The following CACNA1H variants were observed in gnomAD, a reference collection of about 807,000 sequenced individuals.
CACNA1H encodes voltage-dependent T-type calcium channel subunit alpha-1H.
CACNA1H carries 149 observed loss-of-function variants against 192.5 expected under a neutral mutation model. The ratio of observed to expected loss-of-function variants is 0.77; its 90% CI spans 0.68 to 0.89. The LOEUF is 0.89. CACNA1H is among the 40% of genes least tolerant of loss of function. The pLI, the probability that CACNA1H is intolerant of heterozygous loss-of-function variation, is 0.00. For missense variants in CACNA1H, 4,257 were observed against 3,423.5 expected (o/e 1.24, Z -6.08); for synonymous variants, 2,202 against 1,475.2 (o/e 1.49, Z -11.29).
chr16:1,210,245 AC>A (rs1259518370), intron 18 of CACNA1H, 110 bp downstream of exon 18: 3 of 1,227,976 alleles, frequency 2.4e-6, no homozygotes, highest in Non-Finnish European at 1.2e-6. Flanking sequence ...CCGAGTGGGC[AC>A]CCCTTCTCAC....
chr16:1,210,995 CG>C, intron 21 of CACNA1H, 24 bp downstream of exon 21: 1 of 1,587,074 alleles, frequency 6.3e-7, no homozygotes, highest in Non-Finnish European at 8.5e-7. Context: ...CGTGGGCTCC[CG>C]GGGCAACCTG....
Position 1,211,251 on chromosome 16 carries a change from TCTG to T in CACNA1H, c.4312_4314del (p.Cys1438del). 1.2e-6 allele frequency: 2 copies of T among 1,613,146 alleles called. No homozygotes were observed. Among genetic ancestry groups the T allele is most frequent in the Non-Finnish European group, 1.7e-6 (2 of 1,179,770 alleles). On this transcript the variant is annotated inframe_deletion, in exon 22 of 35. Transcript: ENST00000348261. ...AGGCCCATTGGGAACATCGTCCTCATCTGCTGCGCCTTCTTCATCATTTTTGGC... is the reference window on the plus strand; with the variant it reads ...AGGCCCATTGGGAACATCGTCCTCATCTGCGCCTTCTTCATCATTTTTGGC...
chr16:1,200,168 A>T, intron 6 of CACNA1H, 88 bp from the exon 7 acceptor site: 1 of 1,113,962 alleles, frequency 9.0e-7, no homozygotes, highest in Non-Finnish European at 1.3e-6. Flanking sequence ...CCTGACCTTG[A>T]TCACGTCCCT....
chr16:1,218,029 G>C lies in CACNA1H; in HGVS notation c.5434G>C (p.Gly1812Arg). ...CGTGTCCACGGGGGACAACTGGAAC[G>C]GGATCATGAAGGTACCCGCCGCGGC... ...FRVSTGDNWN[G>R]IMKDTLRECS... The change falls in exon 32 of 35, where the codon GGG becomes CGG. Residue 1812 changes from glycine (G) to arginine (R), a missense_variant. Gly to Arg is a moderately radical substitution (Grantham distance 125). Coordinates refer to ENST00000348261, the MANE Select transcript of CACNA1H (RefSeq NM_021098.3). 6.3e-7 allele frequency: 1 copy of C among 1,599,596 alleles called. No individual in the cohort carries two copies. Among genetic ancestry groups the C allele is most frequent in the Middle Eastern group, 1.7e-4 (1 of 6,042 alleles).
At chr16:1,174,450 C>T (rs1003165308) in intron 2 of CACNA1H, among the ~76,000 whole-genome samples, 4 of 151,380 alleles carry the variant, frequency 2.6e-5, no homozygotes, top group Admixed American at 6.6e-5. Flanking sequence ...TCAACAGCTG[C>T]GGTCAGCACA....
intron 2 of CACNA1H, among the ~76,000 whole-genome samples, chr16:1,194,110 G>T (rs1013072622): frequency 7.3e-5 from 11 of 151,130 alleles, no homozygotes; most frequent in Non-Finnish European, 1.6e-4. Context: ...CCAGGTGGGT[G>T]CTGGGAAGGG....
chr16:1,216,485 C>A (rs748665084), intron 30 of CACNA1H, among the ~76,000 whole-genome samples: 47 of 152,312 alleles, frequency 3.1e-4, no homozygotes, highest in Non-Finnish European at 5.7e-4. Context: ...GGCCCAGGCC[C>A]ACCTGCCGGG....
intron 5 of CACNA1H, among the ~76,000 whole-genome samples, chr16:1,197,820 C>G (rs996151018): frequency 6.6e-6 from 1 of 152,170 alleles, no homozygotes; most frequent in Non-Finnish European, 1.5e-5. Context: ...CTGCCTTAGC[C>G]TGGCCCTTGA....
At chr16:1,187,732 G>A (rs951235906) in intron 2 of CACNA1H, among the ~76,000 whole-genome samples, 3 of 152,212 alleles carry the variant, frequency 2.0e-5, no homozygotes, top group Non-Finnish European at 4.4e-5. Context: ...CCAGGCAGCA[G>A]CCGCACCTGG....
Position 1,210,376 on chromosome 16 carries a change from C to T in CACNA1H, c.3852C>T (p.Arg1284=), listed in dbSNP as rs374262237. ...LYLFSPQNRF[R]VSCQKVITHK... is the part of the protein sequence containing the mutation. ...CCCGCCCCCGCCCACCCAGGTTCCG[C>T]GTCTCCTGCCAGAAGGTCATCACAC... The change falls in exon 19 of 35, where the codon CGC becomes CGT. Residue 1284 remains arginine, a synonymous_variant. Coordinates refer to ENST00000348261, the MANE Select transcript of CACNA1H (RefSeq NM_021098.3). 1.0e-5 allele frequency: 16 copies of T among 1,552,204 alleles called. No homozygotes were observed. Among genetic ancestry groups the T allele is most frequent in the African/African-American group, 2.7e-5 (2 of 73,286 alleles).
At chr16:1,217,043 C>G (rs1720345891) in intron 31 of CACNA1H, 33 bp downstream of exon 31, 1 of 1,545,078 alleles carries the variant, frequency 6.5e-7, no homozygotes, top group Non-Finnish European at 8.8e-7. Flanking sequence ...TCCTGGCACA[C>G]ATGGGGTCCT....
At chr16:1,195,215 G>A (rs1342545970) in intron 3 of CACNA1H, 132 bp downstream of exon 3, 26 of 834,280 alleles carry the variant, frequency 3.1e-5, no homozygotes, top group Non-Finnish European at 4.4e-5. Flanking sequence ...GGATCAGGGC[G>A]AGGTTCACGG....
chr16:1,198,930 CTG>C (rs1967343976), intron 6 of CACNA1H, 156 bp downstream of exon 6: 6 of 685,660 alleles, frequency 8.8e-6, no homozygotes, highest in Non-Finnish European at 1.2e-5. Context: ...GTCCACCATG[CTG>C]TCTCCCGCCC....
At chr16:1,205,315 T>G (rs1968555529) in intron 11 of CACNA1H, 50 bp downstream of exon 11, 10 of 1,548,968 alleles carry the variant, frequency 6.5e-6, no homozygotes, top group South Asian at 1.2e-5. Context: ...AGCTCCACTC[T>G]CTGGCAGAAA....
At chr16:1,214,243 C>G (rs1046665789) in intron 27 of CACNA1H, among the ~76,000 whole-genome samples, 3 of 152,046 alleles carry the variant, frequency 2.0e-5, no homozygotes, top group African/African-American at 4.8e-5. Context: ...GGGAGCCAGG[C>G]AGGCCTGAGG....
rs772175709 is a variant in CACNA1H at position 1,215,512 on chromosome 16, C to A, written c.5174-11C>A. ...CGCCCAGCCCTGCTGACGCTCAGCT[C>A]CCGGCCCTAGTGCTGAAGCTGCTGA... On this transcript the variant is annotated splice_polypyrimidine_tract_variant and intron_variant, in intron 29 of 34. Transcript: ENST00000348261. The A allele has an allele frequency of 6.2e-7, 1 of 1,610,414 alleles. No individual in the cohort carries two copies. The highest frequency in any genetic ancestry group is 1.1e-5 in the South Asian group (1 of 90,574).
At position 1,194,986 on chromosome 16, in the gene CACNA1H, T is replaced by G. The variant is rs57552791; in HGVS notation, c.314T>G (p.Val105Gly). Reference protein sequence around the residue: ...RLVCNPWFEHVSMLVIMLNCV... With the variant: ...RLVCNPWFEHGSMLVIMLNCV... ...CGCGGCGACACATGGTTCGAGCACG[T>G]GAGCATGCTGGTAATCATGCTCAAC... The change falls in exon 3 of 35, where the codon GTG (valine) becomes GGG (glycine). Residue 105 changes from valine (V) to glycine (G), a missense_variant. Val to Gly is a moderately radical substitution (Grantham distance 109). Coordinates refer to ENST00000348261, the MANE Select transcript of CACNA1H (RefSeq NM_021098.3). 458 of 1,611,686 alleles carry G rather than the reference T, an allele frequency of 2.8e-4. 1 individual carries two copies. The highest frequency in any genetic ancestry group is 3.8e-4 in the Non-Finnish European group (449 of 1,179,166).
chr16:1,203,909 G>C (rs913826079), intron 9 of CACNA1H, 101 bp from the exon 10 acceptor site: 11 of 816,098 alleles, frequency 1.3e-5, no homozygotes, highest in Non-Finnish European at 2.1e-5. Context: ...ATCTTTCTGG[G>C]GGGGACACAT....
At chr16:1,200,872 G>C in intron 8 of CACNA1H, 64 bp downstream of exon 8, 1 of 1,308,116 alleles carries the variant, frequency 7.6e-7, no homozygotes, top group Non-Finnish European at 1.1e-6. Flanking sequence ...GGGTGGGGTG[G>C]GGTACCTGGG....
Sources: gnomAD v4.1 joint callset for allele counts (sites outside exome capture counted in the v4.1 genomes callset) on GRCh38, gnomAD v4.1.1 for gene constraint, MANE v1.5 for transcripts, NCBI Gene and HGNC (gene_info 2026-07-23, HGNC 2026-07-21) for gene names.